Variants in CDC42SE2 observed in about 807,000 individuals in gnomAD.
CDC42SE2 encodes CDC42 small effector 2.
Under a neutral mutation model 11.5 loss-of-function variants are expected in CDC42SE2, and 3 were observed. That is an observed-to-expected ratio of 0.26 (90% CI 0.12 to 0.67). The LOEUF is 0.67. CDC42SE2 is among the 30% of genes least tolerant of loss of function. The probability of loss-of-function intolerance (pLI) is 0.80; values close to 1 mark genes in which losing one functional copy is unlikely to be tolerated. For missense variants in CDC42SE2, 82 were observed against 106.8 expected (o/e 0.77, Z 1.02); for synonymous variants, 33 against 34.8 (o/e 0.95, Z 0.18).
chr5:131,306,550 T>C (rs979749640), intron 1 of CDC42SE2, among the ~76,000 whole-genome samples: 5 of 152,222 alleles, frequency 3.3e-5, no homozygotes, highest in African/African-American at 9.6e-5. Context: ...TTTGTTTTGC[T>C]CAAGATTGCT....
intron 2 of CDC42SE2, among the ~76,000 whole-genome samples, chr5:131,337,959 G>A (rs1485384815): frequency 2.6e-5 from 4 of 152,176 alleles, no homozygotes; most frequent in Admixed American, 1.3e-4. Flanking sequence ...CACGCACAGT[G>A]CGCTGCACCC....
intron 2 of CDC42SE2, among the ~76,000 whole-genome samples, chr5:131,350,453 G>A (rs1185434498): frequency 1.3e-5 from 2 of 151,922 alleles, no homozygotes; most frequent in East Asian, 1.9e-4. Flanking sequence ...ACTATAATGG[G>A]ATGATTGATT....
At chr5:131,364,772 T>A (rs1749805748) in intron 3 of CDC42SE2, among the ~76,000 whole-genome samples, 1 of 152,152 alleles carries the variant, frequency 6.6e-6, no homozygotes, top group African/African-American at 2.4e-5. Flanking sequence ...CTGCCATTTG[T>A]TGTTGTTCTG....
chr5:131,298,047 G>C (rs1435560571), intron 1 of CDC42SE2, among the ~76,000 whole-genome samples: 1 of 151,778 alleles, frequency 6.6e-6, no homozygotes, highest in Admixed American at 6.6e-5. Flanking sequence ...AGGAAGTTAT[G>C]CTTCCTGTTA....
intron 1 of CDC42SE2, among the ~76,000 whole-genome samples, chr5:131,287,326 T>C (rs1196229710): frequency 3.3e-5 from 5 of 152,190 alleles, no homozygotes; most frequent in Non-Finnish European, 7.3e-5. Context: ...GGTGGTAAGG[T>C]TAACAATATT....
At chr5:131,338,530 G>GAGCC (rs1479503102) in intron 2 of CDC42SE2, among the ~76,000 whole-genome samples, 1 of 152,164 alleles carries the variant, frequency 6.6e-6, no homozygotes, top group Non-Finnish European at 1.5e-5. Flanking sequence ...AAATGAGGTA[G>GAGCC]AGCCCCATCC....
intron 2 of CDC42SE2, among the ~76,000 whole-genome samples, chr5:131,334,692 G>C (rs1758510457): frequency 1.3e-5 from 2 of 152,134 alleles, no homozygotes; most frequent in Non-Finnish European, 2.9e-5. Flanking sequence ...GTTTAGTCTT[G>C]GGAGAGTGTA....
chr5:131,335,005 C>G (rs1266472290), intron 2 of CDC42SE2, among the ~76,000 whole-genome samples: 4 of 152,070 alleles, frequency 2.6e-5, no homozygotes, highest in Non-Finnish European at 5.9e-5. Context: ...TTGCCTTCTT[C>G]TAGCTTTTGA....
At chr5:131,251,248 G>T (rs1435222728) in intron 1 of CDC42SE2, among the ~76,000 whole-genome samples, 1 of 152,210 alleles carries the variant, frequency 6.6e-6, no homozygotes, top group Non-Finnish European at 1.5e-5. Context: ...AAAAGAATAT[G>T]TTGGGCAGGT....
chr5:131,367,012 G>A lies in CDC42SE2; in HGVS notation c.54+7465G>A, dbSNP rs565521725. ...CCTGCACTCCAGCCTGGGCAACAGA[G>A]TGAAACCCTGTTTCAAAAAACAAAT... On this transcript the variant is annotated intron_variant, in intron 3 of 4. Transcript: ENST00000505065. Among the ~76,000 whole-genome samples the A allele has an allele frequency of 1.1e-4, 17 of 151,938 alleles. No homozygotes were observed. In the South Asian group the frequency reaches 2.9e-3, roughly 26 times the overall value.
At chr5:131,323,823 T>C (rs570450446) in intron 2 of CDC42SE2, among the ~76,000 whole-genome samples, 77 of 152,288 alleles carry the variant, frequency 5.1e-4, no homozygotes, top group African/African-American at 1.6e-3. Flanking sequence ...TTTATGGTCT[T>C]GACAGTTGTG....
chr5:131,290,692 C>G (rs1757440397), intron 1 of CDC42SE2, among the ~76,000 whole-genome samples: 1 of 151,784 alleles, frequency 6.6e-6, no homozygotes, highest in Non-Finnish European at 1.5e-5. Flanking sequence ...GTTGCCCAGG[C>G]TGATCTCAAA....
rs1033381525 is a variant in CDC42SE2, at chr5:131,392,062, A to T, written c.*971A>T. The T allele has an allele frequency of 4.6e-5, 7 of 152,338 alleles. No individual in the cohort carries two copies. Among genetic ancestry groups the T allele is most frequent in the African/African-American group, 1.7e-4 (7 of 41,354 alleles). 9.4% of individuals were successfully genotyped at this position (152,338 alleles called of 1,614,324 possible). A position where few individuals can be genotyped will look rare whatever the true frequency, so the allele number is the denominator to read the frequency against. Reference sequence around the variant, plus strand: ...TGGACTCATGGACAGAGTTCTTTGGATTGTCACTGAATTTTCAATGTTTAA... The same window carrying T: ...TGGACTCATGGACAGAGTTCTTTGGTTTGTCACTGAATTTTCAATGTTTAA... On this transcript the variant is annotated 3_prime_UTR_variant, in exon 5 of 5. Coordinates refer to ENST00000505065, the MANE Select transcript of CDC42SE2 (RefSeq NM_001375635.1).
At chr5:131,320,857 A>C (rs986105253) in intron 2 of CDC42SE2, among the ~76,000 whole-genome samples, 1 of 152,258 alleles carries the variant, frequency 6.6e-6, no homozygotes, top group African/African-American at 2.4e-5. Flanking sequence ...ATATGATGAA[A>C]GCACGTATCG....
the CDC42SE2 span, among the ~76,000 whole-genome samples, chr5:131,213,956 A>T: frequency 6.6e-6 from 1 of 152,210 alleles, no homozygotes; most frequent in East Asian, 1.9e-4. Context: ...TTAACTGAAT[A>T]CTTGACCAGG....
intron 1 of CDC42SE2, among the ~76,000 whole-genome samples, chr5:131,247,441 A>G (rs1756604645): frequency 6.6e-6 from 1 of 151,812 alleles, no homozygotes. Context: ...TCATGGGGAA[A>G]CCCTGTCTCT....
In CDC42SE2 at chr5:131,288,891, G is replaced by T. The variant is rs1323365190; in HGVS notation, c.-455+24725G>T. ...CATTTTCAGGCACTGAAATTTAAGG[G>T]TTGTTGTTGTTCCTTCTACCCCCAC... On this transcript the variant is annotated intron_variant, in intron 1 of 4. Transcript: ENST00000505065. 3.9e-5 allele frequency among the ~76,000 whole-genome samples: 6 copies of T among 152,232 alleles called. 1 individual carries two copies. In the East Asian group the frequency reaches 9.6e-4, roughly 24 times the overall value.
At chr5:131,225,286 T>C in the CDC42SE2 span, among the ~76,000 whole-genome samples, 1 of 152,200 alleles carries the variant, frequency 6.6e-6, no homozygotes, top group Non-Finnish European at 1.5e-5. Flanking sequence ...GTGTGAGAGC[T>C]TTCAAACTAA....
the CDC42SE2 span, among the ~76,000 whole-genome samples, chr5:131,214,855 C>T: frequency 2.0e-5 from 3 of 152,164 alleles, no homozygotes; most frequent in Non-Finnish European, 4.4e-5. Context: ...GCTTCTGCAG[C>T]CAACACTCTC....
Sources: allele counts gnomAD v4.1 joint callset (sites outside exome capture counted in the v4.1 genomes callset), GRCh38; gene constraint gnomAD v4.1.1; transcripts MANE v1.5; gene names NCBI Gene and HGNC (gene_info 2026-07-23, HGNC 2026-07-21).